SLC24A2: variants seen among roughly 807,000 people sequenced by gnomAD.
SLC24A2 encodes sodium/potassium/calcium exchanger 2.
A neutral mutation model predicts 62.0 loss-of-function variants in SLC24A2; 36 were observed. The ratio of observed to expected loss-of-function variants is 0.58; its 90% confidence interval spans 0.44 to 0.77. The LOEUF (loss-of-function observed/expected upper bound fraction) is 0.77, where lower values mean the gene tolerates loss of function less well. Among genes scored for constraint, SLC24A2 ranks in the 30% least tolerant of loss-of-function variants. The pLI is 0.00. For missense variants in SLC24A2, 846 were observed against 817.9 expected, an observed-to-expected ratio of 1.03 and a Z score of -0.42; for synonymous variants, 358 against 294.0, an observed-to-expected ratio of 1.22 and a Z score of -2.23.
chr9:20,047,132 C>A, the SLC24A2 span, among the ~76,000 whole-genome samples: 9,377 of 152,168 alleles, frequency 0.062, 408 homozygotes, highest in African/African-American at 0.12. Context: ...CCTGAGGTTA[C>A]AACAGGTTAG....
chr9:19,565,915 T>C (rs535598062), intron 7 of SLC24A2, among the ~76,000 whole-genome samples: 2 of 146,524 alleles, frequency 1.4e-5, no homozygotes, highest in Non-Finnish European at 2.9e-5. Flanking sequence ...TCGCTATATA[T>C]AGAAAGCTGA....
intron 2 of SLC24A2, among the ~76,000 whole-genome samples, chr9:19,746,861 T>G (rs1424285235): frequency 6.6e-6 from 1 of 152,118 alleles, no homozygotes; most frequent in Non-Finnish European, 1.5e-5. Context: ...TTTTGGGGGT[T>G]CTTATAGGAG....
chr9:20,209,297 C>T, the SLC24A2 span, among the ~76,000 whole-genome samples: 407 of 152,258 alleles, frequency 2.7e-3, 2 homozygotes, highest in African/African-American at 9.1e-3. Context: ...AATGAATCAC[C>T]CTGTTTTTAG....
the SLC24A2 span, among the ~76,000 whole-genome samples, chr9:20,277,614 T>C: frequency 6.6e-5 from 10 of 152,192 alleles, no homozygotes; most frequent in East Asian, 1.4e-3. Context: ...TGTGGAGAAA[T>C]AGGAACACTT....
At chr9:19,860,562 A>G in the SLC24A2 span, among the ~76,000 whole-genome samples, 1 of 152,012 alleles carries the variant, frequency 6.6e-6, no homozygotes, top group Non-Finnish European at 1.5e-5. Flanking sequence ...AGAAAAGTGG[A>G]GGGGAAAGTA....
At chr9:19,591,941 C>A (rs994103255) in intron 5 of SLC24A2, among the ~76,000 whole-genome samples, 14 of 152,182 alleles carry the variant, frequency 9.2e-5, no homozygotes, top group Non-Finnish European at 2.1e-4. Flanking sequence ...ATGAAGGTCA[C>A]AGATAACAAG....
the SLC24A2 span, among the ~76,000 whole-genome samples, chr9:20,009,753 C>T: frequency 4.0e-3 from 613 of 152,264 alleles, 6 homozygotes; most frequent in African/African-American, 0.014. Flanking sequence ...CCGGCAATTA[C>T]CTGGGGAGGG....
At chr9:20,035,321 G>A in the SLC24A2 span, among the ~76,000 whole-genome samples, 1 of 152,156 alleles carries the variant, frequency 6.6e-6, no homozygotes, top group Non-Finnish European at 1.5e-5. Flanking sequence ...TATAGGAAAT[G>A]CTCAATAAAT....
the SLC24A2 span, among the ~76,000 whole-genome samples, chr9:19,900,868 G>A: frequency 2.0e-5 from 3 of 152,162 alleles, no homozygotes; most frequent in Non-Finnish European, 2.9e-5. Flanking sequence ...GAGGAGGAGA[G>A]AAAGGAATGG....
rs959488433 is a variant in SLC24A2 at position 19,531,871 on chromosome 9, T to G, written c.1480-3733A>C. On this transcript the variant is annotated intron_variant, in intron 8 of 10. Coordinates refer to ENST00000341998, the MANE Select transcript of SLC24A2 (RefSeq NM_020344.4). ...TGGGAGAAATAACATCTAGTTGTTT[T>G]GAGGACTTCATGTACATAAAATGTC... Among the ~76,000 whole-genome samples the G allele has an allele frequency of 2.6e-4, 39 of 152,168 alleles. 1 individual carries two copies. Among genetic ancestry groups the G allele is most frequent in the Admixed American group, 6.5e-5 (1 of 15,278 alleles).
chr9:19,763,838 G>A (rs1050319778), intron 2 of SLC24A2, among the ~76,000 whole-genome samples: 4 of 152,186 alleles, frequency 2.6e-5, no homozygotes, highest in Admixed American at 2.0e-4. Flanking sequence ...GAACGAGTTA[G>A]GGAGGACTTT....
chr9:19,768,912 C>T (rs748354564), intron 2 of SLC24A2, among the ~76,000 whole-genome samples: 3 of 152,124 alleles, frequency 2.0e-5, no homozygotes, highest in Non-Finnish European at 4.4e-5. Context: ...CTATGAATCC[C>T]AGGACTTAGG....
chr9:20,028,542 A>T, the SLC24A2 span, among the ~76,000 whole-genome samples: 42 of 152,172 alleles, frequency 2.8e-4, no homozygotes, highest in Non-Finnish European at 5.0e-4. Flanking sequence ...CCCTTCCCTA[A>T]TTGACATCCA....
At chr9:20,002,939 G>A in the SLC24A2 span, among the ~76,000 whole-genome samples, 1 of 152,132 alleles carries the variant, frequency 6.6e-6, no homozygotes, top group Admixed American at 6.5e-5. Context: ...TTCACAAATG[G>A]CCCCGTGTTT....
At chr9:20,182,218 T>C in the SLC24A2 span, among the ~76,000 whole-genome samples, 1 of 152,170 alleles carries the variant, frequency 6.6e-6, no homozygotes, top group Middle Eastern at 3.4e-3. Flanking sequence ...AAAACAGTGA[T>C]TCCTCGAGTG....
At chr9:20,186,969 A>T in the SLC24A2 span, among the ~76,000 whole-genome samples, 1 of 152,150 alleles carries the variant, frequency 6.6e-6, no homozygotes, top group Non-Finnish European at 1.5e-5. Context: ...GTCCCTATGC[A>T]CACTCTCCAA....
At chr9:20,150,082 T>C in the SLC24A2 span, among the ~76,000 whole-genome samples, 4 of 151,992 alleles carry the variant, frequency 2.6e-5, no homozygotes, top group Non-Finnish European at 5.9e-5. Context: ...AAGACATGAT[T>C]TATCATATTC....
chr9:19,942,945 C>T, the SLC24A2 span, among the ~76,000 whole-genome samples: 1 of 152,122 alleles, frequency 6.6e-6, no homozygotes, highest in South Asian at 2.1e-4. Context: ...AATGAACATT[C>T]TAGAGAAACC....
the SLC24A2 span, among the ~76,000 whole-genome samples, chr9:20,235,078 C>A: frequency 6.6e-6 from 1 of 152,218 alleles, no homozygotes; most frequent in African/African-American, 2.4e-5. Context: ...CCTGATCGTT[C>A]CTCTGGAAGT....
Sources: allele counts gnomAD v4.1 joint callset (sites outside exome capture counted in the v4.1 genomes callset), GRCh38; gene constraint gnomAD v4.1.1; transcripts MANE v1.5; gene names NCBI Gene and HGNC (gene_info 2026-07-23, HGNC 2026-07-21).